Variants in PDXK observed in about 807,000 individuals in gnomAD.
PDXK encodes pyridoxal kinase.
In PDXK, 15 loss-of-function variants were observed where a neutral mutation model predicts 43.2. That is an observed-to-expected ratio of 0.35 (90% CI 0.23 to 0.53). The LOEUF (loss-of-function observed/expected upper bound fraction) is 0.53, where lower values mean the gene tolerates loss of function less well. Ranked by LOEUF, PDXK falls within the 20% of genes least tolerant of loss-of-function variation. The pLI is 0.92. For synonymous variants in PDXK, 172 were observed against 165.4 expected, an observed-to-expected ratio of 1.04 and a Z score of -0.31; for missense variants, 343 against 417.0, an observed-to-expected ratio of 0.82 and a Z score of 1.54.
rs548407045 is a variant in PDXK at position 43,758,014 on chromosome 21, G to A, written c.*1951G>A. On this transcript the variant is annotated 3_prime_UTR_variant, in exon 11 of 11. Transcript: ENST00000291565. ...TTTTTTTTTTTTTTAAACACCAAGAGCACGTATAGCATGGGGGAAAGAACC... is the reference window on the plus strand; with the variant it reads ...TTTTTTTTTTTTTTAAACACCAAGAACACGTATAGCATGGGGGAAAGAACC... 1 of 151,822 alleles carries A rather than the reference G, an allele frequency of 6.6e-6. No individual in the cohort carries two copies. The highest frequency in any genetic ancestry group is 1.9e-4 in the East Asian group (1 of 5,156). The allele number at this position is 151,822 out of a possible 1,614,324, so 9.4% of individuals were successfully genotyped here. A position where few individuals can be genotyped will look rare whatever the true frequency, so the allele number is the denominator to read the frequency against.
intron 5 of PDXK, chr21:43,748,353 G>A (rs1400479092): frequency 6.6e-6 from 1 of 152,254 alleles, no homozygotes; most frequent in Non-Finnish European, 1.5e-5. Flanking sequence ...CGGGCGTGGG[G>A]GCAGGCGCCT....
Position 43,734,205 on chromosome 21 carries a change from G to A in PDXK, c.142+82G>A, listed in dbSNP as rs1045700145. ...GCGGAGTGTGGGTGTGAGGGACGGG[G>A]CGGAGTGTGGGTGTGAGGGACGGGG... On this transcript the variant is annotated intron_variant, in intron 2 of 10. Coordinates refer to ENST00000291565, the MANE Select transcript of PDXK (RefSeq NM_003681.5). This position sits in a 1 kb window ranked among gnomAD's most constrained non-coding sequence, Gnocchi z 5.0. 5 of 1,328,672 alleles carry A rather than the reference G, an allele frequency of 3.8e-6. No homozygotes were observed. The highest frequency in any genetic ancestry group is 5.4e-6 in the Non-Finnish European group (5 of 925,418). The allele number at this position is 1,328,672 out of a possible 1,614,324, so 82.3% of individuals were successfully genotyped here.
Position 43,753,619 on chromosome 21 carries a change from G to T in PDXK, c.659G>T (p.Arg220Leu). The T allele has an allele frequency of 6.2e-7, 1 of 1,613,510 alleles. No individual in the cohort carries two copies. Among genetic ancestry groups the T allele is most frequent in the Non-Finnish European group, 8.5e-7 (1 of 1,179,628 alleles). Residue 220 changes from arginine to leucine, a missense_variant, in exon 9 of 11, where the codon CGG becomes CTG. Physicochemically the swap from Arg to Leu is moderately radical, Grantham distance 102. Transcript: ENST00000291565. ...PAGSVVMERIRMDIRKVDAVF... is the reference protein window; with the variant it reads ...PAGSVVMERILMDIRKVDAVF... ...GGCTCCGTGGTGATGGAACGCATCC[G>T]GATGGACATTCGCAAAGTGGACGCC...
At chr21:43,730,579 C>T (rs1283743862) in intron 1 of PDXK, among the ~76,000 whole-genome samples, 1 of 152,152 alleles carries the variant, frequency 6.6e-6, no homozygotes, top group Non-Finnish European at 1.5e-5. Context: ...ACACAAATAG[C>T]TGAGTAGACA....
At chr21:43,719,745 C>G (rs1011849067) in intron 1 of PDXK, 1 of 985,464 alleles carries the variant, frequency 1.0e-6, no homozygotes, top group Non-Finnish European at 1.2e-6. Flanking sequence ...GAGGAAATGT[C>G]GCAGAGCCCC....
intron 5 of PDXK, among the ~76,000 whole-genome samples, chr21:43,746,713 C>T (rs1391995359): frequency 1.3e-5 from 2 of 152,184 alleles, no homozygotes; most frequent in Admixed American, 1.3e-4. Flanking sequence ...GCCACCACGC[C>T]CAGCCATGGA....
intron 2 of PDXK, among the ~76,000 whole-genome samples, chr21:43,740,095 C>T (rs1201309576): frequency 6.6e-6 from 1 of 152,156 alleles, no homozygotes; most frequent in African/African-American, 2.4e-5. Flanking sequence ...ACTCTGGTGT[C>T]CCGGGCAGAG....
At chr21:43,736,991 G>C in intron 2 of PDXK, 1 of 702,448 alleles carries the variant, frequency 1.4e-6, no homozygotes, top group African/African-American at 1.8e-5. Flanking sequence ...CTGGCGTGAA[G>C]TGGCGCAACC....
intron 1 of PDXK, among the ~76,000 whole-genome samples, chr21:43,726,116 T>A (rs2083250675): frequency 6.6e-6 from 1 of 152,134 alleles, no homozygotes; most frequent in Non-Finnish European, 1.5e-5. Flanking sequence ...GTATTTCTTC[T>A]TTTTCTTTCA....
rs1018891818 is a variant in PDXK at position 43,733,317 on chromosome 21, C to T, written c.88-752C>T. Among the ~76,000 whole-genome samples the T allele has an allele frequency of 3.8e-5, 5 of 130,242 alleles. No homozygotes were observed. The Admixed American group carries it at 4.0e-4, about 10-fold the overall frequency. 85.4% of individuals were successfully genotyped at this position (130,242 alleles called of 152,430 possible). On this transcript the variant is annotated intron_variant, in intron 1 of 10. Transcript: ENST00000291565. The stretch of plus-strand genomic sequence containing the variant: ...GTCCTGGTGTTGACAGCAGAGGTGG[C>T]ACTGCCTGGCTTTGAACTTGAAGGT...
In PDXK at chr21:43,732,136, C is replaced by T; in HGVS notation, c.88-1933C>T. ...TGCTGACAGAAGCCCATTCTCTTCGCAGGCTTCAGTTTCACATTCTTGGTA... is the reference window on the plus strand; with the variant it reads ...TGCTGACAGAAGCCCATTCTCTTCGTAGGCTTCAGTTTCACATTCTTGGTA... On this transcript the variant is annotated intron_variant, in intron 1 of 10. Transcript: ENST00000291565. This position sits in a 1 kb window ranked among gnomAD's most constrained non-coding sequence, Gnocchi z 4.1. 7.3e-7 allele frequency: 1 copy of T among 1,361,334 alleles called. No individual in the cohort carries two copies. Among genetic ancestry groups the T allele is most frequent in the South Asian group, 1.8e-5 (1 of 57,142 alleles). 84.3% of individuals were successfully genotyped at this position (1,361,334 alleles called of 1,614,324 possible).
At chr21:43,746,834 T>A (rs1422249385) in intron 5 of PDXK, among the ~76,000 whole-genome samples, 1 of 152,190 alleles carries the variant, frequency 6.6e-6, no homozygotes, top group Non-Finnish European at 1.5e-5. Flanking sequence ...CCTAACCATT[T>A]AAAAATGTAG....
rs2083220137 is a variant in PDXK, at chr21:43,723,022, T to G, written c.87+3641T>G. Among the ~76,000 whole-genome samples, 1 of 151,848 alleles carries G rather than the reference T, an allele frequency of 6.6e-6. No individual in the cohort carries two copies. The highest frequency in any genetic ancestry group is 2.4e-5 in the African/African-American group (1 of 41,298). ...CTGGCTAATTTTTTTGTATTTTTAG[T>G]AGAGACGGGGTTTCACCGTGTTAGC... On this transcript the variant is annotated intron_variant, in intron 1 of 10. Coordinates refer to ENST00000291565, the MANE Select transcript of PDXK (RefSeq NM_003681.5). The surrounding 1 kb of genome is among the most constrained non-coding windows in gnomAD (Gnocchi z 4.1).
chr21:43,719,384 A>T lies in PDXK; in HGVS notation c.87+3A>T, dbSNP rs776932018. On this transcript the variant is annotated splice_donor_region_variant and intron_variant, in intron 1 of 10. Coordinates refer to ENST00000291565, the MANE Select transcript of PDXK (RefSeq NM_003681.5). ...GGGCGGCCACGTTCCCGCTGCAGGT[A>T]CGCATCCGCCCGCAGCCCGGGCTTA... is the stretch of plus-strand genomic sequence containing the variant. 4.1e-5 allele frequency: 62 copies of T among 1,520,466 alleles called. No individual in the cohort carries two copies. Among genetic ancestry groups the T allele is most frequent in the African/African-American group, 8.6e-5 (6 of 69,488 alleles). 94.2% of individuals were successfully genotyped at this position (1,520,466 alleles called of 1,614,324 possible).
intron 7 of PDXK, among the ~76,000 whole-genome samples, chr21:43,750,914 GTGTGCA>G (rs1328825715): frequency 7.6e-5 from 5 of 65,742 alleles, no homozygotes; most frequent in Admixed American, 1.8e-4. Context: ...GTGCACGCAT[GTGTGCA>G]TGTGTGTGCG....
Position 43,756,999 on chromosome 21 carries a change from C to A in PDXK, c.*936C>A, listed in dbSNP as rs1460651452. On this transcript the variant is annotated 3_prime_UTR_variant, in exon 11 of 11. Transcript: ENST00000291565. ...TAGACAGGACAGAGGGGTGCCTGCC[C>A]CCTGCCCCTGCTGGCACATTTAACC... 1 of 152,378 alleles carries A rather than the reference C, an allele frequency of 6.6e-6. No homozygotes were observed. Among genetic ancestry groups the A allele is most frequent in the Non-Finnish European group, 1.5e-5 (1 of 68,134 alleles). 9.4% of individuals were successfully genotyped at this position (152,378 alleles called of 1,614,324 possible).
chr21:43,720,149 C>T (rs778291060), intron 1 of PDXK, among the ~76,000 whole-genome samples: 4 of 152,214 alleles, frequency 2.6e-5, no homozygotes, highest in Non-Finnish European at 5.9e-5. Flanking sequence ...TAGGAGAGGC[C>T]TGGGTGCAGT....
At chr21:43,749,140 T>A in intron 6 of PDXK, 60 bp downstream of exon 6, 1 of 1,074,130 alleles carries the variant, frequency 9.3e-7, no homozygotes, top group Non-Finnish European at 1.4e-6. Context: ...GTCTCGCTCT[T>A]GTCACCCAGG....
chr21:43,719,412 T>C (rs1390049388), intron 1 of PDXK, 31 bp downstream of exon 1: 3 of 1,505,928 alleles, frequency 2.0e-6, no homozygotes, highest in East Asian at 2.7e-5. Flanking sequence ...CGGGCTTACG[T>C]AACCCGAGCC....
Sources: gnomAD v4.1 joint callset for allele counts (sites outside exome capture counted in the v4.1 genomes callset) on GRCh38, gnomAD v4.1.1 for gene constraint, Gnocchi (gnomAD v3.1) non-coding constraint, MANE v1.5 for transcripts, NCBI Gene and HGNC (gene_info 2026-07-23, HGNC 2026-07-21) for gene names.